Variants in CDH2 observed in about 807,000 individuals in gnomAD.
CDH2 encodes the protein cadherin 2, also known as cadherin-2.
Under a neutral mutation model 92.0 loss-of-function variants are expected in CDH2, and 17 were observed. The ratio of observed to expected loss-of-function variants is 0.18; its 90% CI spans 0.13 to 0.28. The LOEUF (loss-of-function observed/expected upper bound fraction) is 0.28. CDH2 is among the 10% of genes least tolerant of loss of function. The pLI, the probability that CDH2 is intolerant of heterozygous loss-of-function variation, is 1.00. For missense variants in CDH2, 862 were observed against 1,133.1 expected, an observed-to-expected ratio of 0.76 and a Z score of 3.44; for synonymous variants, 419 against 415.9, an observed-to-expected ratio of 1.01 and a Z score of -0.09.
intron 2 of CDH2, among the ~76,000 whole-genome samples, chr18:28,137,053 A>T (rs2015875088): frequency 6.6e-6 from 1 of 152,136 alleles, no homozygotes; most frequent in Non-Finnish European, 1.5e-5. Context: ...GTTGAACTGG[A>T]AAAATAAAGG....
At chr18:28,034,652 T>C (rs575939138) in intron 2 of CDH2, among the ~76,000 whole-genome samples, 90 of 151,906 alleles carry the variant, frequency 5.9e-4, no homozygotes, top group African/African-American at 2.1e-3. Flanking sequence ...AAAGTTCGTA[T>C]GTCATCACAA....
Position 28,114,952 on chromosome 18 carries a change from G to T in CDH2, c.172+32721C>A, listed in dbSNP as rs144761762. ...TAGCTTTAAGGTTTAAATTCAGTTT[G>T]TCAAAAATTGTTAGGCTCCTTGTTG... On this transcript the variant is annotated intron_variant, in intron 2 of 15. Coordinates refer to ENST00000269141, the MANE Select transcript of CDH2 (RefSeq NM_001792.5). Among the ~76,000 whole-genome samples the T allele has an allele frequency of 3.3e-5, 5 of 152,174 alleles. No individual in the cohort carries two copies. In the East Asian group the frequency reaches 7.8e-4, roughly 24 times the overall value.
In CDH2 at chr18:28,043,622, T is replaced by C. The variant is rs1474129388; in HGVS notation, c.173-29713A>G. On this transcript the variant is annotated intron_variant, in intron 2 of 15. Coordinates refer to ENST00000269141, the MANE Select transcript of CDH2 (RefSeq NM_001792.5). Reference sequence around the variant, plus strand: ...CTGAGTTTTCTTCCATTACATCTAATTTCACTCCAAACTTTATGGTTTTTC... The same window carrying C: ...CTGAGTTTTCTTCCATTACATCTAACTTCACTCCAAACTTTATGGTTTTTC... Among the ~76,000 whole-genome samples, 3 of 149,896 alleles carry C rather than the reference T, an allele frequency of 2.0e-5. No homozygotes were observed. In the Admixed American group the frequency reaches 2.0e-4, roughly 10 times the overall value.
At chr18:28,007,165 A>ATATATATAT (rs1555632743) in intron 5 of CDH2, among the ~76,000 whole-genome samples, 1 of 110,464 alleles carries the variant, frequency 9.1e-6, no homozygotes, top group African/African-American at 4.4e-5. Flanking sequence ...ATAAAAAAAA[A>ATATATATAT]ATATATATAT....
rs927069223 is a variant in CDH2 at position 27,945,848 on chromosome 18, G to C, written c.1152-12724C>G. Among the ~76,000 whole-genome samples, 31 of 152,122 alleles carry C rather than the reference G, an allele frequency of 2.0e-4. 1 individual carries two copies. The highest frequency in any genetic ancestry group is 3.7e-4 in the Non-Finnish European group (25 of 68,020). ...CTGTTACAGTGTCTGTTTGAAAATG[G>C]CATTGAAATGAAAGTTTTAGGACAT... On this transcript the variant is annotated intron_variant, in intron 6 of 6. Transcript: ENST00000675173.
intron 7 of CDH2, among the ~76,000 whole-genome samples, chr18:27,995,034 T>A (rs1017709967): frequency 1.3e-5 from 2 of 152,074 alleles, no homozygotes; most frequent in African/African-American, 2.4e-5. Context: ...GGCTAAGGGC[T>A]AGGTGCGGTG....
chr18:28,046,838 G>A (rs2014086448), intron 2 of CDH2, among the ~76,000 whole-genome samples: 2 of 152,170 alleles, frequency 1.3e-5, no homozygotes, highest in Admixed American at 1.3e-4. Flanking sequence ...TTGCTTTTCA[G>A]ATTTCACTGA....
At chr18:28,005,123 T>C (rs1342454592) in intron 6 of CDH2, among the ~76,000 whole-genome samples, 1 of 152,196 alleles carries the variant, frequency 6.6e-6, no homozygotes, top group Admixed American at 6.5e-5. Context: ...ACCAACTGAT[T>C]GTCTTGTCCA....
At chr18:28,170,965 G>A (rs62103146) in intron 1 of CDH2, among the ~76,000 whole-genome samples, 64 of 150,868 alleles carry the variant, frequency 4.2e-4, no homozygotes, top group Non-Finnish European at 6.2e-4. Flanking sequence ...GCAGTGGCTC[G>A]TGTCTGTAAT....
chr18:27,944,745 C>T (rs1421805817), intron 6 of CDH2, among the ~76,000 whole-genome samples: 2 of 115,278 alleles, frequency 1.7e-5, no homozygotes, highest in African/African-American at 3.4e-5. Context: ...CATAGTGAGA[C>T]TTCCTTTCTA....
chr18:28,138,040 A>ATGTG (rs748336586), intron 2 of CDH2, among the ~76,000 whole-genome samples: 3 of 150,082 alleles, frequency 2.0e-5, no homozygotes, highest in Non-Finnish European at 3.0e-5. Flanking sequence ...GTGTGTCTGG[A>ATGTG]TGTGTGTGTG....
intron 2 of CDH2, among the ~76,000 whole-genome samples, chr18:28,017,743 T>C (rs151075402): frequency 9.2e-5 from 14 of 152,162 alleles, no homozygotes; most frequent in African/African-American, 2.2e-4. Context: ...CTCAGCAAAA[T>C]TGGCATAGAA....
At chr18:28,047,218 A>T (rs1326908400) in intron 2 of CDH2, among the ~76,000 whole-genome samples, 1 of 152,236 alleles carries the variant, frequency 6.6e-6, no homozygotes, top group African/African-American at 2.4e-5. Flanking sequence ...TTAAATACCT[A>T]GAAGCTTGCT....
At chr18:28,109,349 T>C (rs2015373815) in intron 2 of CDH2, among the ~76,000 whole-genome samples, 2 of 152,152 alleles carry the variant, frequency 1.3e-5, no homozygotes, top group African/African-American at 2.4e-5. Flanking sequence ...AAACATGAAA[T>C]GCCCTCCAAT....
chr18:27,937,390 T>C (rs1909044275), intron 6 of CDH2, among the ~76,000 whole-genome samples: 1 of 152,196 alleles, frequency 6.6e-6, no homozygotes, highest in African/African-American at 2.4e-5. Flanking sequence ...TTTTGAACCT[T>C]AGTTTACTCA....
chr18:27,967,755 CTA>C (rs1364632264), intron 14 of CDH2, among the ~76,000 whole-genome samples: 1 of 151,694 alleles, frequency 6.6e-6, no homozygotes, highest in Non-Finnish European at 1.5e-5. Flanking sequence ...TTTTTTTGGT[CTA>C]TGATTTAAAA....
intron 15 of CDH2, among the ~76,000 whole-genome samples, chr18:27,955,105 T>C (rs1316135714): frequency 6.6e-6 from 1 of 152,142 alleles, no homozygotes; most frequent in Non-Finnish European, 1.5e-5. Context: ...AGACAATGGC[T>C]AAGATCACTT....
intron 14 of CDH2, among the ~76,000 whole-genome samples, chr18:27,971,235 C>CAAAA (rs35636455): frequency 7.3e-6 from 1 of 137,806 alleles, no homozygotes. Context: ...GACTCCATCT[C>CAAAA]AAAAAAAAAA....
In CDH2 at chr18:28,177,093, A is replaced by AGGCAGCGGCAGCACC. The variant is rs1555649253; in HGVS notation, c.-86_-72dup. On this transcript the variant is annotated 5_prime_UTR_variant, in exon 1 of 16. Transcript: ENST00000269141. ...GCGGCGGCGGCGGCGGAGGAGGAGG[A>AGGCAGCGGCAGCACC]GGCAGCGGCAGCACCAACAGCGGCG... 1 of 1,143,152 alleles carries AGGCAGCGGCAGCACC rather than the reference A, an allele frequency of 8.7e-7. No homozygotes were observed. The highest frequency in any genetic ancestry group is 1.2e-6 in the Non-Finnish European group (1 of 823,082). 70.8% of individuals were successfully genotyped at this position (1,143,152 alleles called of 1,614,324 possible).
Sources: gnomAD v4.1 joint callset for allele counts (sites outside exome capture counted in the v4.1 genomes callset) on GRCh38, gnomAD v4.1.1 for gene constraint, MANE v1.5 for transcripts, NCBI Gene and HGNC (gene_info 2026-07-23, HGNC 2026-07-21) for gene names.